Variants in DPH6 observed in about 807,000 individuals in gnomAD.
DPH6 encodes the protein diphthamine biosynthesis 6, also known as diphthine--ammonia ligase.
In DPH6, 33 loss-of-function variants were observed where a neutral mutation model predicts 38.2. The ratio of observed to expected loss-of-function variants is 0.86; its 90% CI spans 0.65 to 1.15. The LOEUF (loss-of-function observed/expected upper bound fraction) is 1.15. Among genes scored for constraint, DPH6 ranks in the 50% most tolerant of loss-of-function variants. The probability of loss-of-function intolerance (pLI) is 0.00; values close to 1 mark genes in which losing one functional copy is unlikely to be tolerated. For synonymous variants in DPH6, 108 were observed against 103.0 expected, an observed-to-expected ratio of 1.05 and a Z score of -0.30; for missense variants, 325 against 320.0, an observed-to-expected ratio of 1.02 and a Z score of -0.12.
chr15:35,312,920 C>T (rs960955170), intron 3 of DPH6, among the ~76,000 whole-genome samples: 3 of 152,128 alleles, frequency 2.0e-5, no homozygotes, highest in Admixed American at 1.3e-4. Flanking sequence ...TTGGTTACTA[C>T]AGCTTCGTAG....
At chr15:35,284,308 A>G (rs1045551598) in intron 3 of DPH6, among the ~76,000 whole-genome samples, 14 of 152,184 alleles carry the variant, frequency 9.2e-5, no homozygotes, top group African/African-American at 3.4e-4. Context: ...TAAATCATCC[A>G]TGAGGAATAA....
chr15:35,237,257 G>A, intron 3 of DPH6: 1 of 1,399,360 alleles, frequency 7.1e-7, no homozygotes, highest in Non-Finnish European at 1.0e-6. Context: ...CCTTGAAAGT[G>A]CTAAAACGCG....
chr15:35,363,537 C>A (rs969764690), intron 3 of DPH6, among the ~76,000 whole-genome samples: 15 of 151,986 alleles, frequency 9.9e-5, no homozygotes, highest in Non-Finnish European at 1.9e-4. Context: ...TTTCAAAGAG[C>A]ATAGACTTTG....
the DPH6 span, among the ~76,000 whole-genome samples, chr15:35,190,070 A>G: frequency 2.0e-5 from 3 of 152,078 alleles, no homozygotes; most frequent in Middle Eastern, 3.2e-3. Flanking sequence ...GTGCTGGAAT[A>G]AAATTTCAGG....
At chr15:35,437,620 T>C (rs989062193) in intron 5 of DPH6, among the ~76,000 whole-genome samples, 3 of 152,204 alleles carry the variant, frequency 2.0e-5, no homozygotes, top group African/African-American at 7.2e-5. Context: ...GTGAGGCTGG[T>C]CTTAAGCTAT....
the DPH6 span, among the ~76,000 whole-genome samples, chr15:35,170,512 G>C: frequency 6.6e-6 from 1 of 152,088 alleles, no homozygotes; most frequent in Non-Finnish European, 1.5e-5. Flanking sequence ...CATTGGGGTT[G>C]GTTTAAATTC....
At chr15:35,295,489 T>C (rs546586654) in intron 3 of DPH6, among the ~76,000 whole-genome samples, 1 of 152,286 alleles carries the variant, frequency 6.6e-6, no homozygotes, top group Admixed American at 6.5e-5. Context: ...TCCAGTCTCT[T>C]AGAAGTACAA....
At chr15:35,348,827 AAT>A (rs2140888114) in intron 3 of DPH6, among the ~76,000 whole-genome samples, 1 of 152,168 alleles carries the variant, frequency 6.6e-6, no homozygotes, top group East Asian at 1.9e-4. Context: ...TTTTTTCAGC[AAT>A]GTTTTAGAAT....
intron 6 of DPH6, among the ~76,000 whole-genome samples, chr15:35,388,377 T>C (rs997226870): frequency 6.6e-6 from 1 of 152,158 alleles, no homozygotes; most frequent in Non-Finnish European, 1.5e-5. Context: ...ACAGAGGATT[T>C]CCTCTTTTTC....
intron 3 of DPH6, among the ~76,000 whole-genome samples, chr15:35,347,368 GCT>G (rs1268967411): frequency 6.6e-6 from 1 of 151,758 alleles, no homozygotes; most frequent in African/African-American, 2.4e-5. Context: ...GCTCAGGCTG[GCT>G]CAAACTCCCG....
intron 3 of DPH6, among the ~76,000 whole-genome samples, chr15:35,334,076 A>T (rs899679645): frequency 2.6e-5 from 4 of 152,108 alleles, no homozygotes; most frequent in African/African-American, 9.7e-5. Context: ...GGCACCAAAC[A>T]GGCCACGGAT....
intron 3 of DPH6, among the ~76,000 whole-genome samples, chr15:35,244,137 G>T (rs186813636): frequency 6.6e-6 from 1 of 152,318 alleles, no homozygotes; most frequent in East Asian, 1.9e-4. Context: ...TTATGCTCAG[G>T]TAAGGGTGGG....
intron 3 of DPH6, among the ~76,000 whole-genome samples, chr15:35,244,970 ATAGG>A (rs1258511889): frequency 7.9e-5 from 12 of 152,188 alleles, no homozygotes; most frequent in African/African-American, 2.9e-4. Flanking sequence ...ACTACCACTG[ATAGG>A]TAGAAACATC....
chr15:35,362,611 A>C (rs936423379), intron 3 of DPH6, among the ~76,000 whole-genome samples: 1 of 152,086 alleles, frequency 6.6e-6, no homozygotes. Flanking sequence ...CCCTGTCTGC[A>C]CTCCAAGTCT....
At chr15:35,498,128 TAG>T (rs960405597) in intron 3 of DPH6, among the ~76,000 whole-genome samples, 4 of 152,202 alleles carry the variant, frequency 2.6e-5, no homozygotes, top group African/African-American at 9.6e-5. Flanking sequence ...CCATTGAGTA[TAG>T]AGACTTCCCT....
chr15:35,429,931 A>T (rs2053611781), intron 5 of DPH6, among the ~76,000 whole-genome samples: 1 of 152,102 alleles, frequency 6.6e-6, no homozygotes, highest in Non-Finnish European at 1.5e-5. Flanking sequence ...CAGAAGCTGG[A>T]TCCTAGAAGA....
At chr15:35,273,343 T>C (rs938707976) in intron 3 of DPH6, among the ~76,000 whole-genome samples, 4 of 152,180 alleles carry the variant, frequency 2.6e-5, no homozygotes, top group African/African-American at 4.8e-5. Context: ...CAAAAGTCCA[T>C]TGTATCATTC....
At chr15:35,248,642 T>C (rs2051651547) in intron 3 of DPH6, among the ~76,000 whole-genome samples, 1 of 152,228 alleles carries the variant, frequency 6.6e-6, no homozygotes, top group Non-Finnish European at 1.5e-5. Context: ...AAGGCTCCCA[T>C]GTCATGTAAA....
intron 3 of DPH6, among the ~76,000 whole-genome samples, chr15:35,483,807 A>C (rs183454693): frequency 6.6e-6 from 1 of 152,358 alleles, no homozygotes; most frequent in Admixed American, 6.5e-5. Context: ...TAATTTGTGA[A>C]TAAGCAAAAT....
Sources: gnomAD v4.1 joint callset for allele counts (sites outside exome capture counted in the v4.1 genomes callset) on GRCh38, gnomAD v4.1.1 for gene constraint, MANE v1.5 for transcripts, NCBI Gene and HGNC (gene_info 2026-07-23, HGNC 2026-07-21) for gene names.